The following TTC3 variants were observed in gnomAD, a reference collection of about 807,000 sequenced individuals.
The protein encoded by TTC3 is E3 ubiquitin-protein ligase TTC3.
In TTC3, 180 loss-of-function variants were observed where a neutral mutation model predicts 249.6. That is an observed-to-expected ratio of 0.72 (90% CI 0.64 to 0.82). The LOEUF (loss-of-function observed/expected upper bound fraction) is 0.82, where lower values mean the gene tolerates loss of function less well. Ranked by LOEUF, TTC3 falls within the 40% of genes least tolerant of loss-of-function variation. TTC3 has a pLI of 0.00. For synonymous variants in TTC3, 717 were observed against 805.0 expected (o/e 0.89, Z 1.85); for missense variants, 2,061 against 2,398.4 (o/e 0.86, Z 2.94).
At chr21:37,082,948 C>T (rs928153589) in intron 1 of TTC3, 2 of 983,280 alleles carry the variant, frequency 2.0e-6, no homozygotes, top group Non-Finnish European at 2.4e-6. Context: ...TTGAGTTATC[C>T]TAAAGAAAAG....
rs147663252 is a variant in TTC3 at position 37,131,179 on chromosome 21, T to A, written c.1359-1503T>A. On this transcript the variant is annotated intron_variant, in intron 16 of 45. Transcript: ENST00000355666. ...TTCCATGTACTTGAGTTTATGCTAA[T>A]GAGGTGACTCAAGGTAGTGCCTCAG... Among the ~76,000 whole-genome samples the A allele has an allele frequency of 1.5e-3, 224 of 152,264 alleles. 2 individuals are homozygous for A. Among genetic ancestry groups the A allele is most frequent in the African/African-American group, 4.9e-3 (205 of 41,556 alleles).
chr21:37,160,743 T>C, intron 29 of TTC3, 59 bp from the exon 30 acceptor site: 1 of 1,558,032 alleles, frequency 6.4e-7, no homozygotes, highest in Middle Eastern at 1.7e-4. Context: ...GGTTTCTTTA[T>C]GTTGAGCTTC....
chr21:37,172,772 T>C (rs2081918363), intron 35 of TTC3, 28 bp downstream of exon 35: 2 of 1,611,382 alleles, frequency 1.2e-6, no homozygotes, highest in Non-Finnish European at 1.7e-6. Context: ...CTGTCTTTAA[T>C]TGCATGTAGC....
At chr21:37,156,172 G>A (rs936597831) in intron 27 of TTC3, among the ~76,000 whole-genome samples, 1 of 150,700 alleles carries the variant, frequency 6.6e-6, no homozygotes, top group Admixed American at 6.6e-5. Context: ...AAGTAGCTGG[G>A]ACTACAGGCA....
chr21:37,159,564 A>C (rs1013461012), intron 28 of TTC3, 135 bp from the exon 29 acceptor site: 3 of 981,984 alleles, frequency 3.1e-6, no homozygotes, highest in Non-Finnish European at 4.4e-6. Flanking sequence ...TCTAAACTAC[A>C]CTTGTGTCAA....
intron 11 of TTC3, among the ~76,000 whole-genome samples, chr21:37,117,872 T>G (rs2076285925): frequency 1.3e-5 from 2 of 151,508 alleles, no homozygotes; most frequent in Non-Finnish European, 2.9e-5. Flanking sequence ...AAAAAAACTT[T>G]AACAATTATT....
intron 15 of TTC3, 98 bp downstream of exon 15, chr21:37,126,241 T>C: frequency 1.1e-6 from 1 of 945,130 alleles, no homozygotes; most frequent in Non-Finnish European, 1.6e-6. Context: ...ATATCCACTC[T>C]TGTTCTCCTT....
At chr21:37,185,669 C>T in intron 36 of TTC3, 37 bp from the exon 37 acceptor site, 1 of 1,413,900 alleles carries the variant, frequency 7.1e-7, no homozygotes. Context: ...AAAAATTTTT[C>T]AAAATTAATT....
chr21:37,128,984 A>G lies in TTC3; in HGVS notation c.1298-19A>G, dbSNP rs1396343122. ...TTTTTATGTACAGATTTTAGGAACA[A>G]ATACTTTTGTGTTCACAGGTCAGCC... On this transcript the variant is annotated intron_variant, in intron 15 of 45. Coordinates refer to ENST00000355666, the Ensembl canonical transcript of TTC3. The G allele has an allele frequency of 6.5e-7, 1 of 1,545,274 alleles. No homozygotes were observed. The highest frequency in any genetic ancestry group is 8.7e-7 in the Non-Finnish European group (1 of 1,147,548).
intron 36 of TTC3, among the ~76,000 whole-genome samples, chr21:37,184,588 G>GGGATTACA (rs2083059813): frequency 6.7e-6 from 1 of 149,018 alleles, no homozygotes; most frequent in Non-Finnish European, 1.5e-5. Flanking sequence ...CCGAGTAACT[G>GGGATTACA]GGATTACAGG....
In TTC3 at chr21:37,087,689, A is replaced by G. The variant is rs2072689775; in HGVS notation, c.145-144A>G. ...AGGTAATACTGTAAAACGGGTCTCA[A>G]ATTAAGACTCTTTGGCTGAAGATGT... is the stretch of plus-strand genomic sequence containing the variant. On this transcript the variant is annotated intron_variant, in intron 2 of 45. Transcript: ENST00000355666. 4 of 775,446 alleles carry G rather than the reference A, an allele frequency of 5.2e-6. No individual in the cohort carries two copies. In the South Asian group the frequency reaches 6.8e-5, roughly 13 times the overall value. The allele number at this position is 775,446 out of a possible 1,614,324, so 48.0% of individuals were successfully genotyped here.
chr21:37,134,142 T>C (rs546723018), intron 17 of TTC3, among the ~76,000 whole-genome samples: 1 of 152,196 alleles, frequency 6.6e-6, no homozygotes, highest in South Asian at 2.1e-4. Context: ...CTGCCAAACT[T>C]TGATTCATTG....
intron 7 of TTC3, among the ~76,000 whole-genome samples, chr21:37,092,156 T>C (rs1225264511): frequency 6.6e-6 from 1 of 152,190 alleles, no homozygotes; most frequent in Non-Finnish European, 1.5e-5. Context: ...CTTTAAAGCA[T>C]TTGAATATTA....
intron 6 of TTC3, among the ~76,000 whole-genome samples, chr21:37,091,053 G>T (rs987674800): frequency 5.9e-5 from 9 of 152,124 alleles, no homozygotes; most frequent in African/African-American, 2.2e-4. Flanking sequence ...GAAGCATCTT[G>T]AGCTCTGAGG....
intron 1 of TTC3, among the ~76,000 whole-genome samples, chr21:37,074,800 C>T (rs140715291): frequency 1.3e-5 from 2 of 152,274 alleles, no homozygotes; most frequent in East Asian, 1.9e-4. Context: ...TCAAGGGCTG[C>T]GTTTTGGTGT....
At chr21:37,193,397 G>GA (rs1313155626) in intron 41 of TTC3, among the ~76,000 whole-genome samples, 1 of 151,548 alleles carries the variant, frequency 6.6e-6, no homozygotes, top group Non-Finnish European at 1.5e-5. Context: ...GAAAAAGTGT[G>GA]ACCACCCTGA....
chr21:37,144,840 A>G (rs1344046), intron 21 of TTC3, among the ~76,000 whole-genome samples, 195 bp downstream of exon 21: 49,823 of 152,042 alleles, frequency 0.33, 8,512 homozygotes, highest in South Asian at 0.52. Flanking sequence ...TTCATTTATC[A>G]TTATGCTTAA....
In TTC3 at chr21:37,087,824, T is replaced by A; in HGVS notation, c.145-9T>A. On this transcript the variant is annotated splice_polypyrimidine_tract_variant and intron_variant, in intron 2 of 45. Coordinates refer to ENST00000355666, the Ensembl canonical transcript of TTC3. ...TAGACACAAATCAAAATAATTTTCTTCTTTTTAGGGTGTGCAATATAAAGA... is the reference window on the plus strand; with the variant it reads ...TAGACACAAATCAAAATAATTTTCTACTTTTTAGGGTGTGCAATATAAAGA... 6.3e-7 allele frequency: 1 copy of A among 1,585,962 alleles called. No individual in the cohort carries two copies.
chr21:37,095,558 A>G, intron 9 of TTC3, 114 bp downstream of exon 9: 1 of 669,224 alleles, frequency 1.5e-6, no homozygotes. Flanking sequence ...CAACTTGTGC[A>G]GAATAGATTT....
Sources: allele counts gnomAD v4.1 joint callset (sites outside exome capture counted in the v4.1 genomes callset), GRCh38; gene constraint gnomAD v4.1.1; transcripts MANE v1.5; gene names NCBI Gene and HGNC (gene_info 2026-07-23, HGNC 2026-07-21).